The following LMX1B variants were observed in gnomAD, a reference collection of about 807,000 sequenced individuals.
LMX1B encodes LIM homeobox transcription factor 1 beta, also known as LIM homeobox transcription factor 1-beta.
Under a neutral mutation model 51.4 loss-of-function variants are expected in LMX1B, and 12 were observed. The observed-to-expected ratio is 0.23, with a 90% confidence interval of 0.15 to 0.38. The LOEUF (loss-of-function observed/expected upper bound fraction) is 0.38. Ranked by LOEUF, LMX1B falls within the 10% of genes least tolerant of loss-of-function variation. The pLI is 1.00. For missense variants in LMX1B, 445 were observed against 571.1 expected (o/e 0.78, Z 2.25); for synonymous variants, 237 against 235.4 (o/e 1.01, Z -0.06).
intron 2 of LMX1B, among the ~76,000 whole-genome samples, chr9:126,670,837 C>T (rs1039070930): frequency 6.6e-6 from 1 of 152,194 alleles, no homozygotes; most frequent in African/African-American, 2.4e-5. Context: ...CATTATATGG[C>T]GTTTCTCTTA....
At position 126,654,294 on chromosome 9, in the gene LMX1B, C is replaced by G. The variant is rs565361325; in HGVS notation, c.327-36542C>G. Reference sequence around the variant, plus strand: ...TCAGGGTTGCTGCCCCCTGGCTGGGCTCCCACAGACCCCCATGCCTCCCCC... The same window carrying G: ...TCAGGGTTGCTGCCCCCTGGCTGGGGTCCCACAGACCCCCATGCCTCCCCC... On this transcript the variant is annotated intron_variant, in intron 2 of 7. Transcript: ENST00000373474. Among the ~76,000 whole-genome samples, 330 of 152,346 alleles carry G rather than the reference C, an allele frequency of 2.2e-3. 5 individuals are homozygous for G. The highest frequency in any genetic ancestry group is 7.7e-3 in the African/African-American group (319 of 41,584).
chr9:126,686,707 C>G (rs561160719), intron 2 of LMX1B, among the ~76,000 whole-genome samples: 2 of 152,124 alleles, frequency 1.3e-5, no homozygotes, highest in Non-Finnish European at 2.9e-5. Context: ...CATGGAGATG[C>G]ACAGAGCAGG....
chr9:126,696,240 G>C lies in LMX1B; in HGVS notation c.1052-54G>C, dbSNP rs1437214305. ...ACACAGCCTACAGGGCAAACAGGGG[G>C]CCCCCAGGAGCCCCAGCCTGTACCC... On this transcript the variant is annotated intron_variant, in intron 7 of 7. Transcript: ENST00000373474. 1.9e-6 allele frequency: 3 copies of C among 1,575,800 alleles called. No homozygotes were observed. The Admixed American group carries it at 5.0e-5, about 26-fold the overall frequency.
chr9:126,682,894 GA>G (rs577172677), intron 2 of LMX1B, among the ~76,000 whole-genome samples: 976 of 86,112 alleles, frequency 0.011, 8 homozygotes, highest in African/African-American at 0.037. Flanking sequence ...CACTCTGTCT[GA>G]AAAAAAAAAA....
At chr9:126,637,176 G>A (rs1255048048) in intron 2 of LMX1B, among the ~76,000 whole-genome samples, 1 of 152,362 alleles carries the variant, frequency 6.6e-6, no homozygotes, top group East Asian at 1.9e-4. Flanking sequence ...GGTGGGCGGT[G>A]GCACTGTGCT....
intron 2 of LMX1B, among the ~76,000 whole-genome samples, chr9:126,690,109 G>A (rs2030067207): frequency 1.3e-5 from 2 of 149,582 alleles, no homozygotes; most frequent in Admixed American, 1.4e-4. Flanking sequence ...GTTCTTTGGG[G>A]CTGCAGCCTG....
At chr9:126,690,367 CG>C (rs1323714591) in intron 2 of LMX1B, among the ~76,000 whole-genome samples, 1 of 152,002 alleles carries the variant, frequency 6.6e-6, no homozygotes, top group Non-Finnish European at 1.5e-5. Flanking sequence ...GGCAGTTGCT[CG>C]GGCAGGAGAG....
chr9:126,672,733 G>A (rs1836481606), intron 2 of LMX1B, among the ~76,000 whole-genome samples: 1 of 152,204 alleles, frequency 6.6e-6, no homozygotes, highest in South Asian at 2.1e-4. Flanking sequence ...GGGGGGCTGA[G>A]GAACAGTCCA....
At chr9:126,629,583 A>ATG (rs35945123) in intron 2 of LMX1B, among the ~76,000 whole-genome samples, 30,015 of 151,998 alleles carry the variant, frequency 0.2, 3,427 homozygotes, top group Non-Finnish European at 0.25. Flanking sequence ...TGGTGCCCCG[A>ATG]TGGTGGGCTG....
At chr9:126,637,309 A>G (rs1399022405) in intron 2 of LMX1B, among the ~76,000 whole-genome samples, 3 of 151,918 alleles carry the variant, frequency 2.0e-5, no homozygotes, top group Non-Finnish European at 4.4e-5. Flanking sequence ...TGTGTGTGTC[A>G]GTGTGTGTGT....
rs531408420 is a variant in LMX1B, at chr9:126,681,138, C to A, written c.327-9698C>A. 2.2e-4 allele frequency among the ~76,000 whole-genome samples: 34 copies of A among 152,294 alleles called. 1 individual carries two copies. The highest frequency in any genetic ancestry group is 6.5e-4 in the African/African-American group (27 of 41,558). On this transcript the variant is annotated intron_variant, in intron 2 of 7. Coordinates refer to ENST00000373474, the MANE Select transcript of LMX1B (RefSeq NM_001174147.2). ...GCCAAGCCACATGGACACGGCTGCT[C>A]ACCCTGTAGCAGTGTGTCTGTGTAA...
chr9:126,693,025 G>A (rs990625794), intron 3 of LMX1B, 117 bp from the exon 4 acceptor site: 21 of 1,096,210 alleles, frequency 1.9e-5, no homozygotes, highest in East Asian at 1.6e-4. Context: ...GGGGAGCCAC[G>A]GCAGGTGTCA....
rs566295099 is a variant in LMX1B at position 126,671,501 on chromosome 9, G to A, written c.327-19335G>A. On this transcript the variant is annotated intron_variant, in intron 2 of 7. Transcript: ENST00000373474. The surrounding 1 kb of genome is among the most constrained non-coding windows in gnomAD (Gnocchi z 4.4). ...TGGGTAAATAGTCGCCGCAGTAATC[G>A]CAGGCTGATTCCAACTAATTAAATC... Among the ~76,000 whole-genome samples the A allele has an allele frequency of 5.5e-4, 83 of 152,010 alleles. No individual in the cohort carries two copies. The highest frequency in any genetic ancestry group is 1.1e-3 in the Non-Finnish European group (75 of 68,000).
chr9:126,655,179 GC>G (rs1177823786), intron 2 of LMX1B, among the ~76,000 whole-genome samples: 1 of 152,240 alleles, frequency 6.6e-6, no homozygotes, highest in Non-Finnish European at 1.5e-5. Context: ...GCCCAAAGAT[GC>G]CCTGGCCTGG....
chr9:126,695,984 T>G lies in LMX1B; in HGVS notation c.1032T>G (p.Gly344=), dbSNP rs1404562182. 6.2e-7 allele frequency: 1 copy of G among 1,610,848 alleles called. No homozygotes were observed. The highest frequency in any genetic ancestry group is 1.7e-5 in the Admixed American group (1 of 59,862). The stretch of plus-strand genomic sequence containing the variant: ...GCCTCACGCCGCCCCAAATGCCAGG[T>G]GACCACATGAACCCCTATGGTAAGC... ...QQGLTPPQMP[G]DHMNPYGNDS... Residue 344 remains glycine (G), a synonymous_variant, in exon 7 of 8, where the codon GGT becomes GGG. Coordinates refer to ENST00000373474, the MANE Select transcript of LMX1B (RefSeq NM_001174147.2). This position sits in a 1 kb window ranked among gnomAD's most constrained non-coding sequence, Gnocchi z 5.2.
At chr9:126,640,745 C>A (rs1835794149) in intron 2 of LMX1B, 1 of 152,328 alleles carries the variant, frequency 6.6e-6, no homozygotes, top group Admixed American at 6.5e-5. Context: ...GGACTGAGGG[C>A]AGACAGGATG....
chr9:126,666,256 G>A (rs1406177935), intron 2 of LMX1B, among the ~76,000 whole-genome samples: 2 of 152,232 alleles, frequency 1.3e-5, no homozygotes, highest in Non-Finnish European at 2.9e-5. Flanking sequence ...AGTGCCCATC[G>A]AATCCAGCCT....
chr9:126,615,395 CGCATCCCGCCGTCTGCGAGGGCTGCCA>C lies in LMX1B; in HGVS notation c.155_181del (p.His52_Gln60del). On this transcript the variant is annotated inframe_deletion, in exon 2 of 8. Transcript: ENST00000373474. The surrounding 1 kb of genome is among the most constrained non-coding windows in gnomAD (Gnocchi z 6.0). ...CTGTGCGCTACAGGCTCCGACTGCC[CGCATCCCGCCGTCTGCGAGGGCTGCCA>C]GCGGCCCATCTCCGACCGCTTCCTG... The C allele has an allele frequency of 6.2e-7, 1 of 1,601,168 alleles. No individual in the cohort carries two copies. Among genetic ancestry groups the C allele is most frequent in the Non-Finnish European group, 8.5e-7 (1 of 1,175,396 alleles).
At chr9:126,623,310 T>C (rs1167620668) in intron 2 of LMX1B, among the ~76,000 whole-genome samples, 4 of 152,226 alleles carry the variant, frequency 2.6e-5, no homozygotes, top group Non-Finnish European at 4.4e-5. Context: ...GTAGGTCCCA[T>C]TTTTTCCAAG....
Sources: allele counts gnomAD v4.1 joint callset (sites outside exome capture counted in the v4.1 genomes callset), GRCh38; gene constraint gnomAD v4.1.1; non-coding constraint Gnocchi (gnomAD v3.1); transcripts MANE v1.5; gene names NCBI Gene and HGNC (gene_info 2026-07-23, HGNC 2026-07-21).